Variants in GRID2 observed in about 807,000 individuals in gnomAD.
The protein encoded by GRID2 is glutamate ionotropic receptor delta type subunit 2, also known as glutamate receptor ionotropic, delta-2.
In GRID2, 33 loss-of-function variants were observed where a neutral mutation model predicts 114.8. The observed-to-expected ratio is 0.29, with a 90% CI of 0.22 to 0.38. The LOEUF (loss-of-function observed/expected upper bound fraction) is 0.38, where lower values mean the gene tolerates loss of function less well. GRID2 is among the 10% of genes least tolerant of loss of function. GRID2 has a pLI of 1.00. For missense variants in GRID2, 1,184 were observed against 1,257.7 expected (o/e 0.94, Z 0.89); for synonymous variants, 505 against 449.9 (o/e 1.12, Z -1.55).
intron 2 of GRID2, among the ~76,000 whole-genome samples, chr4:92,648,226 A>G (rs1731743577): frequency 6.7e-6 from 1 of 149,860 alleles, no homozygotes; most frequent in Admixed American, 6.6e-5. Context: ...AGAAATATTT[A>G]TAGATTTGAT....
intron 2 of GRID2, among the ~76,000 whole-genome samples, chr4:93,082,253 T>A (rs1301952412): frequency 6.6e-6 from 1 of 152,178 alleles, no homozygotes; most frequent in African/African-American, 2.4e-5. Context: ...AATAAAACAA[T>A]CTCAAATTGA....
intron 13 of GRID2, among the ~76,000 whole-genome samples, chr4:93,599,622 A>C (rs2149636834): frequency 6.6e-6 from 1 of 152,300 alleles, no homozygotes; most frequent in East Asian, 1.9e-4. Context: ...ACACAGAAAA[A>C]TGTTATGTTC....
At chr4:93,181,302 A>C (rs927824428) in intron 4 of GRID2, among the ~76,000 whole-genome samples, 3 of 152,294 alleles carry the variant, frequency 2.0e-5, no homozygotes, top group Non-Finnish European at 2.9e-5. Flanking sequence ...AGTGCACTTA[A>C]ATATTTAGTA....
intron 4 of GRID2, among the ~76,000 whole-genome samples, chr4:93,200,363 G>A (rs1428712038): frequency 1.3e-5 from 2 of 151,918 alleles, no homozygotes; most frequent in Admixed American, 6.6e-5. Flanking sequence ...TCAGGAGATC[G>A]AGACCATCCT....
intron 8 of GRID2, among the ~76,000 whole-genome samples, chr4:93,259,222 T>G (rs929713011): frequency 6.6e-6 from 1 of 151,802 alleles, no homozygotes; most frequent in Non-Finnish European, 1.5e-5. Context: ...AGGATTGCCC[T>G]ACAGCACCAT....
intron 2 of GRID2, among the ~76,000 whole-genome samples, chr4:93,080,222 A>G (rs917668451): frequency 6.6e-6 from 1 of 152,202 alleles, no homozygotes; most frequent in Admixed American, 6.6e-5. Context: ...TTGGTGGAAT[A>G]TTAAAAAAGC....
At chr4:93,533,325 T>C (rs191019625) in intron 13 of GRID2, among the ~76,000 whole-genome samples, 2 of 141,712 alleles carry the variant, frequency 1.4e-5, no homozygotes, top group Non-Finnish European at 3.1e-5. Context: ...TTCTTTCCTT[T>C]CTTCCTTTCT....
At chr4:93,321,648 G>T (rs1757227964) in intron 8 of GRID2, among the ~76,000 whole-genome samples, 1 of 151,864 alleles carries the variant, frequency 6.6e-6, no homozygotes, top group Admixed American at 6.6e-5. Context: ...ACCTCACACA[G>T]TTGTCAGTTT....
chr4:92,617,359 A>G (rs1294669675), intron 2 of GRID2, among the ~76,000 whole-genome samples: 3 of 151,438 alleles, frequency 2.0e-5, no homozygotes, highest in Non-Finnish European at 4.4e-5. Context: ...ATTTGTCCTA[A>G]TGCTCTCCCT....
intron 2 of GRID2, among the ~76,000 whole-genome samples, chr4:92,713,472 T>TATAC (rs1270934590): frequency 4.2e-5 from 3 of 71,834 alleles, no homozygotes; most frequent in African/African-American, 1.6e-4. Flanking sequence ...TACATATACA[T>TATAC]ATACATATAT....
At position 93,075,883 on chromosome 4, in the gene GRID2, C is replaced by CTCTTTTT. The variant is rs1490779668; in HGVS notation, c.245-9111_245-9110insCTTTTTT. Among the ~76,000 whole-genome samples, 29 of 76,608 alleles carry CTCTTTTT rather than the reference C, an allele frequency of 3.8e-4. 2 individuals are homozygous for CTCTTTTT. The highest frequency in any genetic ancestry group is 1.0e-3 in the African/African-American group (19 of 18,776). 50.3% of individuals were successfully genotyped at this position (76,608 alleles called of 152,430 possible). A position where few individuals can be genotyped will look rare whatever the true frequency, so the allele number is the denominator to read the frequency against. ...GTATTGGGATGTCGAAGTTACCTCT[C>CTCTTTTT]TTTTTTTTTTTTTTTTTTTTTTTTT... On this transcript the variant is annotated intron_variant, in intron 2 of 15. Transcript: ENST00000282020.
chr4:93,776,658 C>G (rs560439625), downstream of GRID2, among the ~76,000 whole-genome samples: 1 of 152,270 alleles, frequency 6.6e-6, no homozygotes, highest in East Asian at 1.9e-4. Context: ...ACCAATTCAT[C>G]TTAGTAGTTC....
At chr4:92,494,867 G>T (rs899274944) in intron 1 of GRID2, among the ~76,000 whole-genome samples, 3 of 151,984 alleles carry the variant, frequency 2.0e-5, no homozygotes, top group African/African-American at 4.8e-5. Context: ...AAAATACAAA[G>T]AAAATTATTG....
At chr4:92,842,101 C>G (rs113217604) in intron 2 of GRID2, among the ~76,000 whole-genome samples, 3 of 152,168 alleles carry the variant, frequency 2.0e-5, no homozygotes, top group African/African-American at 7.2e-5. Flanking sequence ...TTTAAGAATG[C>G]TGCATGATGC....
intron 2 of GRID2, among the ~76,000 whole-genome samples, chr4:92,858,626 C>T (rs1744327482): frequency 1.3e-5 from 2 of 152,138 alleles, no homozygotes; most frequent in South Asian, 4.1e-4. Flanking sequence ...GGTGCGATCT[C>T]ACCTCCCTGC....
chr4:92,792,455 GAAC>G (rs1739635330), intron 2 of GRID2, among the ~76,000 whole-genome samples: 1 of 96,260 alleles, frequency 1.0e-5, no homozygotes, highest in Non-Finnish European at 2.1e-5. Flanking sequence ...GCAGGCAAGA[GAAC>G]ACACACACAC....
At chr4:92,599,177 G>C (rs1349975016) in intron 2 of GRID2, among the ~76,000 whole-genome samples, 1 of 151,944 alleles carries the variant, frequency 6.6e-6, no homozygotes, top group East Asian at 1.9e-4. Flanking sequence ...ACTTAGGGTT[G>C]GGAGGATTTA....
At chr4:92,758,606 T>C (rs1008434588) in intron 2 of GRID2, among the ~76,000 whole-genome samples, 2 of 152,098 alleles carry the variant, frequency 1.3e-5, no homozygotes, top group Non-Finnish European at 2.9e-5. Context: ...CCGCTGCTGA[T>C]TAGCTGTGAG....
intron 8 of GRID2, among the ~76,000 whole-genome samples, chr4:93,335,677 C>CTGTT (rs1758986873): frequency 8.0e-6 from 1 of 124,560 alleles, no homozygotes; most frequent in African/African-American, 3.9e-5. Flanking sequence ...TTTTCTCTCT[C>CTGTT]TCTTTCTTTC....
Sources: allele counts gnomAD v4.1 joint callset (sites outside exome capture counted in the v4.1 genomes callset), GRCh38; gene constraint gnomAD v4.1.1; transcripts MANE v1.5; gene names NCBI Gene and HGNC (gene_info 2026-07-23, HGNC 2026-07-21).